The following GDAP1L1 variants were observed in gnomAD, a reference collection of about 807,000 sequenced individuals.
GDAP1L1 encodes ganglioside-induced differentiation-associated protein 1-like 1.
A neutral mutation model predicts 37.1 loss-of-function variants in GDAP1L1; 21 were observed. The ratio of observed to expected loss-of-function variants is 0.57; its 90% CI spans 0.40 to 0.81. The LOEUF is 0.81. GDAP1L1 is among the 40% of genes least tolerant of loss of function. The pLI is 0.00. For missense variants in GDAP1L1, 362 were observed against 491.6 expected (o/e 0.74, Z 2.49); for synonymous variants, 193 against 209.1 (o/e 0.92, Z 0.67).
chr20:44,247,604 G>C, intron 1 of GDAP1L1, 90 bp downstream of exon 1: 1 of 1,250,646 alleles, frequency 8.0e-7, no homozygotes, highest in African/African-American at 1.5e-5. Flanking sequence ...GGCGGCGAAA[G>C]ACTGGAGGGG....
rs536572894 is a variant in GDAP1L1, at chr20:44,279,598, T to G, written c.*298T>G. ...TCGATTCAAGGTCTCAAGATGGAAC[T>G]GTGGAGACTGGTTAGGATCTGAGGT... On this transcript the variant is annotated 3_prime_UTR_variant, in exon 6 of 6. Transcript: ENST00000342560. The G allele has an allele frequency of 2.7e-4, 140 of 520,686 alleles. No individual in the cohort carries two copies. The highest frequency in any genetic ancestry group is 2.3e-3 in the African/African-American group (121 of 52,282). The allele number at this position is 520,686 out of a possible 1,614,324, so 32.3% of individuals were successfully genotyped here. A position where few individuals can be genotyped will look rare whatever the true frequency, so the allele number is the denominator to read the frequency against.
chr20:44,252,013 G>T (rs2073454397), intron 1 of GDAP1L1, among the ~76,000 whole-genome samples: 1 of 152,244 alleles, frequency 6.6e-6, no homozygotes, highest in African/African-American at 2.4e-5. Context: ...GTGAAGTGAT[G>T]AAAATATCTG....
chr20:44,256,139 G>C (rs996867602), intron 1 of GDAP1L1, among the ~76,000 whole-genome samples: 1 of 152,148 alleles, frequency 6.6e-6, no homozygotes, highest in African/African-American at 2.4e-5. Flanking sequence ...GTCTGCTGCT[G>C]AATTGCTGTG....
intron 5 of GDAP1L1, among the ~76,000 whole-genome samples, chr20:44,267,352 G>C (rs975063019): frequency 6.6e-6 from 1 of 152,226 alleles, no homozygotes; most frequent in Non-Finnish European, 1.5e-5. Flanking sequence ...GCTCACGCCT[G>C]TAACCCCAAC....
intron 5 of GDAP1L1, among the ~76,000 whole-genome samples, chr20:44,273,603 C>G (rs973639384): frequency 6.6e-6 from 1 of 152,220 alleles, no homozygotes; most frequent in African/African-American, 2.4e-5. Context: ...GAACCCAGCT[C>G]TCCACCTACT....
chr20:44,258,210 T>C, intron 2 of GDAP1L1: 1 of 718,590 alleles, frequency 1.4e-6, no homozygotes. Context: ...GCAGCAAGTC[T>C]GGAGCTGAGA....
At position 44,276,576 on chromosome 20, in the gene GDAP1L1, T is replaced by C. The variant is rs564495235; in HGVS notation, c.761-2381T>C. Reference sequence around the variant, plus strand: ...ATTATCCAGCTGGAATTTAATTGCATTTGTTTTGTTTTTGTTATGTTTACT... The same window carrying C: ...ATTATCCAGCTGGAATTTAATTGCACTTGTTTTGTTTTTGTTATGTTTACT... On this transcript the variant is annotated intron_variant, in intron 5 of 5. Transcript: ENST00000342560. 2.6e-5 allele frequency among the ~76,000 whole-genome samples: 4 copies of C among 152,248 alleles called. No homozygotes were observed. The East Asian group carries it at 7.7e-4, about 29-fold the overall frequency.
intron 1 of GDAP1L1, among the ~76,000 whole-genome samples, chr20:44,256,616 C>T (rs150331661): frequency 9.9e-5 from 15 of 151,694 alleles, no homozygotes; most frequent in African/African-American, 3.1e-4. Flanking sequence ...GCTGAGATTG[C>T]GCCACTGCAC....
intron 3 of GDAP1L1, 95 bp from the exon 4 acceptor site, chr20:44,263,135 T>G: frequency 1.1e-6 from 1 of 895,192 alleles, no homozygotes; most frequent in Non-Finnish European, 1.9e-6. Context: ...TTCTGACCAG[T>G]GTTTGGATGG....
chr20:44,265,086 C>T (rs2073740568), intron 5 of GDAP1L1: 1 of 985,276 alleles, frequency 1.0e-6, no homozygotes, highest in South Asian at 4.7e-5. Flanking sequence ...ACCTCCCTTA[C>T]ACAACTTGAT....
intron 5 of GDAP1L1, among the ~76,000 whole-genome samples, chr20:44,274,238 G>A (rs925599077): frequency 6.6e-6 from 1 of 152,014 alleles, no homozygotes; most frequent in Non-Finnish European, 1.5e-5. Context: ...CACCACATCC[G>A]TAATTCTATC....
At chr20:44,256,750 G>A (rs1032068350) in intron 1 of GDAP1L1, among the ~76,000 whole-genome samples, 1 of 152,092 alleles carries the variant, frequency 6.6e-6, no homozygotes, top group South Asian at 2.1e-4. Flanking sequence ...TGATAACGAC[G>A]ATCACAAATT....
At position 44,257,284 on chromosome 20, in the gene GDAP1L1, C is replaced by T. The variant is rs145243925; in HGVS notation, c.312C>T (p.Arg104=). 16 of 1,613,880 alleles carry T rather than the reference C, an allele frequency of 9.9e-6. No homozygotes were observed. Among genetic ancestry groups the T allele is most frequent in the South Asian group, 3.3e-5 (3 of 91,064 alleles). ...LGEEVPVIIH[R]DNIISDYDQI... is the part of the protein sequence containing the mutation. ...AGGAGGTGCCCGTCATCATCCACCG[C>T]GACAACATCATCAGTGACTATGACC... Residue 104 remains arginine, a synonymous_variant, in exon 2 of 6, where the codon CGC becomes CGT. Transcript: ENST00000342560.
At chr20:44,248,381 A>C (rs1396044002) in intron 1 of GDAP1L1, among the ~76,000 whole-genome samples, 2 of 152,266 alleles carry the variant, frequency 1.3e-5, no homozygotes, top group Non-Finnish European at 2.9e-5. Context: ...CAGGTCCTGC[A>C]GGGGCCTAAG....
intron 5 of GDAP1L1, among the ~76,000 whole-genome samples, chr20:44,274,902 T>C (rs2062557167): frequency 6.6e-6 from 1 of 152,112 alleles, no homozygotes; most frequent in South Asian, 2.1e-4. Flanking sequence ...TTTGTTTGTT[T>C]GTTAGTTTTT....
rs936365372 is a variant in GDAP1L1 at position 44,264,477 on chromosome 20, C to A, written c.678C>A (p.Tyr226Ter). 3 of 1,538,668 alleles carry A rather than the reference C, an allele frequency of 1.9e-6. No homozygotes were observed. Among genetic ancestry groups the A allele is most frequent in the Non-Finnish European group, 2.6e-6 (3 of 1,142,462 alleles). ...AKILEHDDVS[Y>*]LKKILGELAM... ...TCTTGGAGCATGATGATGTGAGCTA[C>A]CTGAAGAAGATCCTCGGGGAACTGG... The change falls in exon 5 of 6, where the codon TAC becomes TAA. Residue 226 changes from tyrosine to a stop codon, truncating the protein, a stop_gained. Transcript: ENST00000342560. LOFTEE classifies it high-confidence loss of function.
In GDAP1L1 at chr20:44,257,365, C is replaced by A. The variant is rs55893079; in HGVS notation, c.373+20C>A. The A allele has an allele frequency of 1.2e-4, 190 of 1,603,484 alleles. 2 individuals carry two copies. In the African/African-American group the frequency reaches 2.0e-3, roughly 17 times the overall value. On this transcript the variant is annotated intron_variant, in intron 2 of 5. Coordinates refer to ENST00000342560, the MANE Select transcript of GDAP1L1 (RefSeq NM_024034.6). ...CAGGAGGTACGGCTGCCTCCCCACC[C>A]AGGGGCCCACTCCATACCACAGATC...
chr20:44,255,514 C>G (rs533376655), intron 1 of GDAP1L1, among the ~76,000 whole-genome samples: 2 of 137,862 alleles, frequency 1.5e-5, no homozygotes, highest in South Asian at 4.5e-4. Context: ...TGCACTCCAG[C>G]CTGAGCAACA....
At chr20:44,276,097 G>A (rs760138032) in intron 5 of GDAP1L1, among the ~76,000 whole-genome samples, 1 of 151,618 alleles carries the variant, frequency 6.6e-6, no homozygotes, top group South Asian at 2.1e-4. Flanking sequence ...CGAGGCAGGC[G>A]GATCATCTAA....
Sources: gnomAD v4.1 joint callset for allele counts (sites outside exome capture counted in the v4.1 genomes callset) on GRCh38, gnomAD v4.1.1 for gene constraint, MANE v1.5 for transcripts, NCBI Gene and HGNC (gene_info 2026-07-23, HGNC 2026-07-21) for gene names.